Variants in RC3H2 observed in about 807,000 individuals in gnomAD.
The protein encoded by RC3H2 is ring finger and CCCH-type domains 2.
Under a neutral mutation model 133.3 loss-of-function variants are expected in RC3H2, and 31 were observed. The ratio of observed to expected loss-of-function variants is 0.23; its 90% CI spans 0.17 to 0.31. RC3H2 has a LOEUF of 0.31. RC3H2 is among the 10% of genes least tolerant of loss of function. RC3H2 has a pLI of 1.00. For missense variants in RC3H2, 1,175 were observed against 1,437.2 expected (o/e 0.82, Z 2.95); for synonymous variants, 517 against 502.2 (o/e 1.03, Z -0.40).
At chr9:122,901,914 T>C (rs1329316722) in intron 1 of RC3H2, among the ~76,000 whole-genome samples, 1 of 150,042 alleles carries the variant, frequency 6.7e-6, no homozygotes, top group Non-Finnish European at 1.5e-5. Flanking sequence ...AGGGCAATAA[T>C]GAGATAACTA....
intron 5 of RC3H2, among the ~76,000 whole-genome samples, chr9:122,881,120 C>G (rs1179675388): frequency 6.6e-6 from 1 of 152,144 alleles, no homozygotes; most frequent in African/African-American, 2.4e-5. Flanking sequence ...AAAGGGATTT[C>G]AGAAAAGGCT....
intron 9 of RC3H2, among the ~76,000 whole-genome samples, chr9:122,869,792 ACTCCTGACCTCAAGTGATCCGC>A (rs1004726865): frequency 6.6e-6 from 1 of 151,926 alleles, no homozygotes; most frequent in African/African-American, 2.4e-5. Flanking sequence ...CTGTTCTCAA[ACTCCTGACCTCAAGTGATCCGC>A]CTGCCTTGGC....
chr9:122,867,526 T>C (rs1189210296), intron 9 of RC3H2, among the ~76,000 whole-genome samples: 1 of 15,870 alleles, frequency 6.3e-5, no homozygotes. Context: ...CCCGGCCGCC[T>C]ATCGTCTGGG....
At position 122,859,021 on chromosome 9, in the gene RC3H2, T is replaced by C; in HGVS notation, c.1931A>G (p.Glu644Gly). The change falls in exon 12 of 21, where the codon GAG becomes GGG. Residue 644 changes from glutamate to glycine, a missense_variant. Physicochemically the swap from Glu to Gly is moderately conservative, Grantham distance 98. This residue lies in a region of RC3H2 where 490 missense variants were observed against 492.8 expected (regional missense o/e 0.99). Coordinates refer to ENST00000357244, the MANE Select transcript of RC3H2 (RefSeq NM_001100588.3). Reference protein sequence around the residue: ...PRFVRSNNVPESSLPPASMPY... With the variant: ...PRFVRSNNVPGSSLPPASMPY... ...CATGGAAGCAGGTGGGAGGGAGGACTCTGGAACGTTATTGGACCTCACAAA... is the reference window on the plus strand; with the variant it reads ...CATGGAAGCAGGTGGGAGGGAGGACCCTGGAACGTTATTGGACCTCACAAA... The C allele has an allele frequency of 1.9e-6, 3 of 1,613,676 alleles. No homozygotes were observed. The highest frequency in any genetic ancestry group is 2.5e-6 in the Non-Finnish European group (3 of 1,179,686).
intron 1 of RC3H2, among the ~76,000 whole-genome samples, chr9:122,899,002 T>C (rs1369437361): frequency 6.6e-6 from 1 of 150,704 alleles, no homozygotes; most frequent in Non-Finnish European, 1.5e-5. Context: ...TGTTTAAAAA[T>C]GTAGTCACAT....
chr9:122,866,500 C>T (rs1752426224), intron 9 of RC3H2, among the ~76,000 whole-genome samples: 1 of 151,776 alleles, frequency 6.6e-6, no homozygotes, highest in African/African-American at 2.4e-5. Flanking sequence ...ACTGCAACCT[C>T]CCTGCCTGAT....
intron 1 of RC3H2, among the ~76,000 whole-genome samples, chr9:122,901,688 T>C (rs530201805): frequency 6.6e-6 from 1 of 151,544 alleles, no homozygotes; most frequent in African/African-American, 2.4e-5. Context: ...GCCTCCCGGT[T>C]TCATACGATT....
chr9:122,901,106 T>C (rs1013017589), intron 1 of RC3H2, among the ~76,000 whole-genome samples: 1 of 152,242 alleles, frequency 6.6e-6, no homozygotes, highest in Admixed American at 6.5e-5. Flanking sequence ...GCATCTGATT[T>C]TAAAATGCCA....
intron 9 of RC3H2, among the ~76,000 whole-genome samples, chr9:122,867,419 C>T (rs1341181792): frequency 6.9e-6 from 1 of 144,902 alleles, no homozygotes; most frequent in African/African-American, 2.6e-5. Flanking sequence ...GGGGGGTCAG[C>T]ACCCCGCCCG....
At chr9:122,874,615 T>G (rs1313355098) in intron 9 of RC3H2, 2 of 152,330 alleles carry the variant, frequency 1.3e-5, no homozygotes, top group Non-Finnish European at 2.9e-5. Context: ...CCTCCCGAGT[T>G]CAAGCAATCC....
Position 122,892,937 on chromosome 9 carries a change from G to C in RC3H2, c.321C>G (p.Leu107=). 6.2e-7 allele frequency: 1 copy of C among 1,612,620 alleles called. No individual in the cohort carries two copies. The highest frequency in any genetic ancestry group is 8.5e-7 in the Non-Finnish European group (1 of 1,179,768). The change falls in exon 3 of 21, where the codon CTC becomes CTG. Residue 107 remains leucine (L), a synonymous_variant. Coordinates refer to ENST00000357244, the MANE Select transcript of RC3H2 (RefSeq NM_001100588.3). ...TACCTCCACTTAGTGGTTTTAAGTA[G>C]AGTGCCAAATCCTCAACGCATTTCT... ...VAKKCVEDLA[L]YLKPLSGGKG... is the part of the protein sequence containing the mutation.
At chr9:122,855,676 G>T in intron 14 of RC3H2, 56 bp downstream of exon 14, 1 of 1,544,920 alleles carries the variant, frequency 6.5e-7, no homozygotes, top group South Asian at 1.2e-5. Context: ...TCTACAACAT[G>T]AGTGAACATG....
chr9:122,892,997 A>T lies in RC3H2; in HGVS notation c.261T>A (p.Ser87Arg). The stretch of plus-strand genomic sequence containing the variant: ...CATAGTGTTTATTCTCACCTAGATT[A>T]CTTAACTTAATTGACTGATGATCTG... ...QVPDHQSIKL[S>R]NLGENKHYEV... The change falls in exon 3 of 21, where the codon AGT becomes AGA. Residue 87 changes from serine to arginine, a missense_variant. By Grantham distance (110) the Ser-to-Arg change is moderately radical. This residue lies in a region of RC3H2 where 30 missense variants were observed against 25.2 expected (regional missense o/e 1.19). Transcript: ENST00000357244. 3 of 1,610,856 alleles carry T rather than the reference A, an allele frequency of 1.9e-6. No individual in the cohort carries two copies. Among genetic ancestry groups the T allele is most frequent in the Non-Finnish European group, 2.5e-6 (3 of 1,179,612 alleles).
At chr9:122,884,046 G>A (rs1341196899) in intron 4 of RC3H2, among the ~76,000 whole-genome samples, 4 of 152,116 alleles carry the variant, frequency 2.6e-5, no homozygotes, top group Non-Finnish European at 4.4e-5. Context: ...TGTAATTCCA[G>A]CACTTTGGGA....
Position 122,854,491 on chromosome 9 carries a change from C to CTGAGAATGGAGAATCATA in RC3H2, c.2900+22_2900+39dup, listed in dbSNP as rs746970230. The CTGAGAATGGAGAATCATA allele has an allele frequency of 2.6e-5, 38 of 1,474,370 alleles. No homozygotes were observed. The Admixed American group carries it at 6.2e-4, about 24-fold the overall frequency. The allele number at this position is 1,474,370 out of a possible 1,614,324, so 91.3% of individuals were successfully genotyped here. On this transcript the variant is annotated intron_variant, in intron 16 of 20. Transcript: ENST00000357244. ...GTGTACCCTTAAGATACATACAAGT[C>CTGAGAATGGAGAATCATA]TGAGAATGGAGAATCATATAGAATT...
At chr9:122,867,133 C>A (rs1232757831) in intron 9 of RC3H2, among the ~76,000 whole-genome samples, 1 of 126,760 alleles carries the variant, frequency 7.9e-6, no homozygotes, top group Non-Finnish European at 1.7e-5. Flanking sequence ...CCGGCAACCG[C>A]CCCGTCTGAG....
At chr9:122,851,638 A>T in intron 18 of RC3H2, 1 of 634,898 alleles carries the variant, frequency 1.6e-6, no homozygotes, top group African/African-American at 1.8e-5. Flanking sequence ...CTGCAATTGC[A>T]GGCGCGCGCC....
At chr9:122,890,099 C>T (rs1345067477) in intron 4 of RC3H2, 2 of 609,014 alleles carry the variant, frequency 3.3e-6, no homozygotes, top group South Asian at 2.0e-5. Context: ...CAAGACTGCG[C>T]CACTGCACTC....
At chr9:122,872,137 G>T (rs1047384507) in intron 9 of RC3H2, among the ~76,000 whole-genome samples, 1 of 152,162 alleles carries the variant, frequency 6.6e-6, no homozygotes, top group Admixed American at 6.5e-5. Context: ...ATGGCCAAGA[G>T]AACCACTGAT....
Sources: gnomAD v4.1 joint callset for allele counts (sites outside exome capture counted in the v4.1 genomes callset) on GRCh38, gnomAD v4.1.1 for gene constraint, gnomAD v4.1.1 regional missense constraint, MANE v1.5 for transcripts, NCBI Gene and HGNC (gene_info 2026-07-23, HGNC 2026-07-21) for gene names.